MACROD2: variants seen among roughly 807,000 people sequenced by gnomAD.
MACROD2 encodes mono-ADP ribosylhydrolase 2, also known as ADP-ribose glycohydrolase MACROD2.
A neutral mutation model predicts 70.4 loss-of-function variants in MACROD2; 36 were observed. That is an observed-to-expected ratio of 0.51 (90% CI 0.39 to 0.68). The LOEUF (loss-of-function observed/expected upper bound fraction) is 0.68, where lower values mean the gene tolerates loss of function less well. Ranked by LOEUF, MACROD2 falls within the 30% of genes least tolerant of loss-of-function variation. The probability of loss-of-function intolerance (pLI) is 0.00; values close to 1 mark genes in which losing one functional copy is unlikely to be tolerated. For synonymous variants in MACROD2, 172 were observed against 178.8 expected (o/e 0.96, Z 0.30); for missense variants, 496 against 538.4 (o/e 0.92, Z 0.78).
intron 6 of MACROD2, among the ~76,000 whole-genome samples, chr20:15,306,829 A>G (rs959244126): frequency 6.6e-6 from 1 of 152,142 alleles, no homozygotes; most frequent in Non-Finnish European, 1.5e-5. Context: ...GTGTTGCTAT[A>G]AAGGAGTAAC....
chr20:14,238,063 A>C (rs1237807158), intron 3 of MACROD2, among the ~76,000 whole-genome samples: 1 of 152,172 alleles, frequency 6.6e-6, no homozygotes, highest in Non-Finnish European at 1.5e-5. Context: ...TATACCCAGT[A>C]ATGGGATGGC....
chr20:15,385,297 C>CA (rs1368561873), intron 6 of MACROD2, among the ~76,000 whole-genome samples: 4 of 152,244 alleles, frequency 2.6e-5, no homozygotes, highest in African/African-American at 9.6e-5. Flanking sequence ...AGTTTTGGAA[C>CA]AAAATGACTG....
At chr20:15,221,251 T>C (rs1224874216) in intron 5 of MACROD2, among the ~76,000 whole-genome samples, 4 of 152,200 alleles carry the variant, frequency 2.6e-5, no homozygotes, top group Non-Finnish European at 4.4e-5. Flanking sequence ...ATTATCATCT[T>C]CCTTGAAACA....
chr20:14,435,266 CTCT>C (rs1480125246), intron 3 of MACROD2, among the ~76,000 whole-genome samples: 2 of 152,168 alleles, frequency 1.3e-5, no homozygotes, highest in Non-Finnish European at 2.9e-5. Flanking sequence ...TGTCACTCTT[CTCT>C]ATGTCTCCTA....
chr20:15,531,231 C>T (rs930695093), intron 8 of MACROD2, among the ~76,000 whole-genome samples: 2 of 150,898 alleles, frequency 1.3e-5, no homozygotes, highest in Non-Finnish European at 3.0e-5. Context: ...ATTCTAAATC[C>T]CATTGTATTT....
chr20:14,772,389 C>A (rs2072180543), intron 5 of MACROD2, among the ~76,000 whole-genome samples: 1 of 152,002 alleles, frequency 6.6e-6, no homozygotes, highest in Non-Finnish European at 1.5e-5. Flanking sequence ...AGAGGTTTAA[C>A]TGGACTTACA....
chr20:15,602,265 A>G (rs2048832765), intron 8 of MACROD2, among the ~76,000 whole-genome samples: 1 of 152,164 alleles, frequency 6.6e-6, no homozygotes, highest in Admixed American at 6.5e-5. Flanking sequence ...TGACCAATCA[A>G]CCCAGGAGAA....
chr20:15,388,848 A>G (rs534741126), intron 6 of MACROD2, among the ~76,000 whole-genome samples: 1 of 152,312 alleles, frequency 6.6e-6, no homozygotes, highest in South Asian at 2.1e-4. Context: ...TCCCTGAGGA[A>G]CAAAAAGATT....
chr20:14,699,975 GAAGTTTA>G (rs201450475), intron 5 of MACROD2, among the ~76,000 whole-genome samples: 23,943 of 140,438 alleles, frequency 0.17, 2,635 homozygotes, highest in Non-Finnish European at 0.21. Context: ...TTTAAATCTA[GAAGTTTA>G]AAGTTTAAAG....
At chr20:14,539,423 G>T (rs934875710) in intron 4 of MACROD2, among the ~76,000 whole-genome samples, 2 of 152,144 alleles carry the variant, frequency 1.3e-5, no homozygotes, top group South Asian at 4.1e-4. Context: ...CTGGGAGGTG[G>T]TGGTAGAAGA....
At chr20:14,201,013 TG>T (rs150405578) in intron 3 of MACROD2, among the ~76,000 whole-genome samples, 4,029 of 152,132 alleles carry the variant, frequency 0.026, 51 homozygotes, top group Non-Finnish European at 0.032. Flanking sequence ...AGGATGTTTT[TG>T]TTTATGTTTT....
chr20:14,961,794 AC>A (rs1254122073), intron 5 of MACROD2, among the ~76,000 whole-genome samples: 1 of 152,148 alleles, frequency 6.6e-6, no homozygotes, highest in African/African-American at 2.4e-5. Context: ...TTTTAGACTT[AC>A]AGAAAAGTTG....
intron 5 of MACROD2, among the ~76,000 whole-genome samples, chr20:15,068,070 A>G (rs902129943): frequency 2.0e-5 from 3 of 152,142 alleles, no homozygotes; most frequent in Non-Finnish European, 4.4e-5. Context: ...CAAAAGTTAA[A>G]TTTTATCTGG....
chr20:15,082,785 C>A (rs753419243), intron 5 of MACROD2, among the ~76,000 whole-genome samples: 25 of 151,836 alleles, frequency 1.6e-4, no homozygotes, highest in Non-Finnish European at 2.4e-4. Flanking sequence ...CTTTTCTGTT[C>A]GCATTCTCTC....
At chr20:15,869,106 T>C (rs1033198146) in intron 9 of MACROD2, among the ~76,000 whole-genome samples, 3 of 151,010 alleles carry the variant, frequency 2.0e-5, no homozygotes, top group Non-Finnish European at 2.9e-5. Context: ...TCTCTTTAAT[T>C]TTTTAACCAT....
intron 3 of MACROD2, among the ~76,000 whole-genome samples, chr20:14,227,652 C>T (rs759849291): frequency 2.0e-5 from 3 of 152,242 alleles, no homozygotes; most frequent in Non-Finnish European, 4.4e-5. Flanking sequence ...GGGTCCGCGG[C>T]TTCATTCTTG....
At chr20:14,983,625 G>A (rs1310290082) in intron 5 of MACROD2, among the ~76,000 whole-genome samples, 1 of 152,136 alleles carries the variant, frequency 6.6e-6, no homozygotes, top group African/African-American at 2.4e-5. Flanking sequence ...CGTGTGAGAT[G>A]TGCCTTTCAC....
At chr20:15,937,570 T>C (rs748446270) in intron 12 of MACROD2, 26 bp downstream of exon 12, 1 of 1,598,600 alleles carries the variant, frequency 6.3e-7, no homozygotes, top group Non-Finnish European at 8.6e-7. Context: ...CTATATCTAA[T>C]AATTGCAGAC....
intron 5 of MACROD2, among the ~76,000 whole-genome samples, chr20:15,210,768 C>T (rs557676865): frequency 6.6e-6 from 1 of 152,206 alleles, no homozygotes; most frequent in South Asian, 2.1e-4. Context: ...CCTCCATACT[C>T]TCTCTCTTTT....
Sources: gnomAD v4.1 joint callset for allele counts (sites outside exome capture counted in the v4.1 genomes callset) on GRCh38, gnomAD v4.1.1 for gene constraint, MANE v1.5 for transcripts, NCBI Gene and HGNC (gene_info 2026-07-23, HGNC 2026-07-21) for gene names.